NKAIN3: variants seen among roughly 807,000 people sequenced by gnomAD.
The protein encoded by NKAIN3 is sodium/potassium transporting ATPase interacting 3.
In NKAIN3, 25 loss-of-function variants were observed where a neutral mutation model predicts 30.2. That is an observed-to-expected ratio of 0.83 (90% confidence interval 0.60 to 1.16). NKAIN3 has a LOEUF of 1.16. NKAIN3 is among the 50% of genes most tolerant of loss of function. The probability of loss-of-function intolerance (pLI) is 0.00; values close to 1 mark genes in which losing one functional copy is unlikely to be tolerated. For missense variants in NKAIN3, 225 were observed against 254.1 expected, an observed-to-expected ratio of 0.89 and a Z score of 0.78; for synonymous variants, 91 against 89.6, an observed-to-expected ratio of 1.02 and a Z score of -0.09.
rs565654074 is a variant in NKAIN3, at chr8:62,787,614, G to C, written c.471+40485G>C. 3.9e-5 allele frequency among the ~76,000 whole-genome samples: 6 copies of C among 152,156 alleles called. No homozygotes were observed. The East Asian group carries it at 7.7e-4, about 20-fold the overall frequency. The stretch of plus-strand genomic sequence containing the variant: ...TACATATGTATACATGTGCCATGTT[G>C]GTGTGCTGCACCCATTAACTCATCA... On this transcript the variant is annotated intron_variant, in intron 4 of 6. Coordinates refer to ENST00000623646, the MANE Select transcript of NKAIN3 (RefSeq NM_001304533.3).
chr8:62,856,372 C>T (rs143543505), intron 4 of NKAIN3: 13 of 840,022 alleles, frequency 1.5e-5, no homozygotes, highest in Middle Eastern at 2.4e-4. Context: ...TTGGAGTGAA[C>T]CTTCTAGTTT....
chr8:62,280,273 G>C (rs953395792), intron 1 of NKAIN3, among the ~76,000 whole-genome samples: 3 of 152,078 alleles, frequency 2.0e-5, no homozygotes, highest in African/African-American at 7.2e-5. Context: ...GGAGATTTTG[G>C]GCTGAGATGA....
chr8:62,656,084 G>T lies in NKAIN3; in HGVS notation c.273+66290G>T, dbSNP rs149370482. On this transcript the variant is annotated intron_variant, in intron 3 of 6. Transcript: ENST00000623646. ...TCCAGAGACAGATCTCAAGGAGAAG[G>T]TGGAAGCTGAGAGAAGTGCTGTGGC... Among the ~76,000 whole-genome samples, 104 of 152,168 alleles carry T rather than the reference G, an allele frequency of 6.8e-4. 1 individual carries two copies. The Middle Eastern group carries it at 0.01, about 15-fold the overall frequency.
At chr8:62,413,543 A>C (rs1804331940) in intron 1 of NKAIN3, among the ~76,000 whole-genome samples, 1 of 152,218 alleles carries the variant, frequency 6.6e-6, no homozygotes, top group Non-Finnish European at 1.5e-5. Flanking sequence ...CATTATTTAC[A>C]ACTTTGGTTT....
At chr8:62,907,964 C>T (rs1821830027) in intron 4 of NKAIN3, among the ~76,000 whole-genome samples, 1 of 152,170 alleles carries the variant, frequency 6.6e-6, no homozygotes, top group Non-Finnish European at 1.5e-5. Flanking sequence ...AATGGTAGAT[C>T]CACTGACAGC....
At chr8:62,549,696 G>A (rs1227038293) in intron 1 of NKAIN3, among the ~76,000 whole-genome samples, 1 of 151,434 alleles carries the variant, frequency 6.6e-6, no homozygotes, top group Non-Finnish European at 1.5e-5. Flanking sequence ...TCTTTTCCCT[G>A]CCAGTTTTTC....
At position 62,521,638 on chromosome 8, in the gene NKAIN3, T is replaced by A. The variant is rs114847378; in HGVS notation, c.55-57901T>A. Among the ~76,000 whole-genome samples the A allele has an allele frequency of 7.7e-3, 1,173 of 152,278 alleles. 14 individuals are homozygous for A. Among genetic ancestry groups the A allele is most frequent in the African/African-American group, 0.027 (1,122 of 41,562 alleles). ...TGAATTGCTTTAGTTGCTGGTAATG[T>A]AGCTGAATCATGGACAAAAAGAGCA... is the stretch of plus-strand genomic sequence containing the variant. On this transcript the variant is annotated intron_variant, in intron 1 of 6. Transcript: ENST00000623646.
intron 1 of NKAIN3, among the ~76,000 whole-genome samples, chr8:62,437,072 G>A (rs1438975491): frequency 1.3e-5 from 2 of 152,162 alleles, no homozygotes; most frequent in Non-Finnish European, 2.9e-5. Flanking sequence ...GAATGTATTA[G>A]CAAGGAGAGA....
intron 4 of NKAIN3, among the ~76,000 whole-genome samples, chr8:62,838,434 T>C (rs968609341): frequency 1.3e-5 from 2 of 151,994 alleles, no homozygotes; most frequent in Non-Finnish European, 2.9e-5. Context: ...ATTTGTACAT[T>C]TGGTGAAACT....
At chr8:62,504,699 A>G (rs1360057153) in intron 1 of NKAIN3, among the ~76,000 whole-genome samples, 1 of 152,142 alleles carries the variant, frequency 6.6e-6, no homozygotes, top group Non-Finnish European at 1.5e-5. Flanking sequence ...ACACAGCAAT[A>G]CTCAGGTTAT....
chr8:62,837,387 G>A (rs940612457), intron 4 of NKAIN3, among the ~76,000 whole-genome samples: 2 of 152,092 alleles, frequency 1.3e-5, no homozygotes, highest in African/African-American at 2.4e-5. Flanking sequence ...CGGAGGAAAC[G>A]CCCTTATAGT....
chr8:62,666,792 C>G (rs1279853068), intron 3 of NKAIN3, among the ~76,000 whole-genome samples: 1 of 151,990 alleles, frequency 6.6e-6, no homozygotes, highest in Non-Finnish European at 1.5e-5. Context: ...GAATCCTTAT[C>G]TAAAAATTGT....
rs1823920071 is a variant in NKAIN3 at position 62,975,408 on chromosome 8, A to C, written c.*10001A>C. On this transcript the variant is annotated 3_prime_UTR_variant, in exon 7 of 7. Coordinates refer to ENST00000623646, the MANE Select transcript of NKAIN3 (RefSeq NM_001304533.3). ...TAGTCATGGTAGGGTGAATGTGTCC[A>C]GGAATTTATCCATTTCTTCTAAATT... 6.6e-6 allele frequency among the ~76,000 whole-genome samples: 1 copy of C among 152,210 alleles called. No individual in the cohort carries two copies. The highest frequency in any genetic ancestry group is 2.1e-4 in the South Asian group (1 of 4,836).
At chr8:62,479,433 G>C (rs1017250636) in intron 1 of NKAIN3, among the ~76,000 whole-genome samples, 3 of 152,128 alleles carry the variant, frequency 2.0e-5, no homozygotes, top group Non-Finnish European at 2.9e-5. Flanking sequence ...GGTGAAGCCT[G>C]AATTTGAACC....
chr8:62,297,507 G>A (rs1813875395), intron 1 of NKAIN3, among the ~76,000 whole-genome samples: 1 of 151,962 alleles, frequency 6.6e-6, no homozygotes, highest in South Asian at 2.1e-4. Flanking sequence ...CAAAAAGTGG[G>A]CGAAGGACAT....
intron 1 of NKAIN3, among the ~76,000 whole-genome samples, chr8:62,307,281 A>G (rs1202394820): frequency 6.7e-6 from 1 of 149,498 alleles, no homozygotes; most frequent in Non-Finnish European, 1.5e-5. Flanking sequence ...AAAAAAAAAA[A>G]AAAATTCTGA....
chr8:62,614,972 G>A (rs1489814270), intron 3 of NKAIN3, among the ~76,000 whole-genome samples: 1 of 152,170 alleles, frequency 6.6e-6, no homozygotes, highest in African/African-American at 2.4e-5. Context: ...GACACCAAGA[G>A]CCTGCTTGGT....
At chr8:62,656,470 A>G (rs1812767965) in intron 3 of NKAIN3, among the ~76,000 whole-genome samples, 2 of 151,946 alleles carry the variant, frequency 1.3e-5, no homozygotes, top group Non-Finnish European at 2.9e-5. Context: ...TAAAAAATAA[A>G]AGAACAAAGA....
Position 62,249,024 on chromosome 8 carries a change from G to A in NKAIN3, c.-50G>A. ...TCCGGAGTCAGGAGGCAGCAGCGGC[G>A]GAGGACGAGGATCTCTGGCAGTCAG... On this transcript the variant is annotated 5_prime_UTR_variant, in exon 1 of 7. Transcript: ENST00000623646. The A allele has an allele frequency of 6.7e-7, 1 of 1,498,320 alleles. No individual in the cohort carries two copies. Among genetic ancestry groups the A allele is most frequent in the Non-Finnish European group, 9.0e-7 (1 of 1,113,956 alleles). 92.8% of individuals were successfully genotyped at this position (1,498,320 alleles called of 1,614,324 possible).
Sources: allele counts gnomAD v4.1 joint callset (sites outside exome capture counted in the v4.1 genomes callset), GRCh38; gene constraint gnomAD v4.1.1; transcripts MANE v1.5; gene names NCBI Gene and HGNC (gene_info 2026-07-23, HGNC 2026-07-21).